The following CDH12 variants were observed in gnomAD, a reference collection of about 807,000 sequenced individuals.
CDH12 encodes cadherin-12.
Under a neutral mutation model 74.1 loss-of-function variants are expected in CDH12, and 41 were observed. The ratio of observed to expected loss-of-function variants is 0.55; its 90% CI spans 0.43 to 0.72. The LOEUF (loss-of-function observed/expected upper bound fraction) is 0.72, where lower values mean the gene tolerates loss of function less well. Ranked by LOEUF, CDH12 falls within the 30% of genes least tolerant of loss-of-function variation. The pLI, the probability that CDH12 is intolerant of heterozygous loss-of-function variation, is 0.00. For synonymous variants in CDH12, 399 were observed against 355.0 expected (o/e 1.12, Z -1.39); for missense variants, 945 against 977.2 (o/e 0.97, Z 0.44).
In CDH12 at chr5:22,238,291, G is replaced by A. The variant is rs144373286; in HGVS notation, c.-332-25648C>T. Among the ~76,000 whole-genome samples the A allele has an allele frequency of 2.2e-3, 329 of 152,324 alleles. 1 individual carries two copies. Among genetic ancestry groups the A allele is most frequent in the Admixed American group, 6.2e-3 (95 of 15,296 alleles). On this transcript the variant is annotated intron_variant, in intron 3 of 14. Transcript: ENST00000382254. Reference sequence around the variant, plus strand: ...TATGGCATTTCCTGGTGGGGCTTGTGTAATACACTGAGTTTTCTTGGAGGA... The same window carrying A: ...TATGGCATTTCCTGGTGGGGCTTGTATAATACACTGAGTTTTCTTGGAGGA...
Position 22,550,371 on chromosome 5 carries a change from T to G in CDH12, c.-522-45007A>C, listed in dbSNP as rs78569728. The stretch of plus-strand genomic sequence containing the variant: ...AAATCTGATTGTCTAACAAGCAGCT[T>G]AAACTTTACATGTTTGACTCAGAAA... On this transcript the variant is annotated intron_variant, in intron 1 of 14. Coordinates refer to ENST00000382254, the MANE Select transcript of CDH12 (RefSeq NM_004061.5). Among the ~76,000 whole-genome samples, 836 of 152,298 alleles carry G rather than the reference T, an allele frequency of 5.5e-3. 7 individuals carry two copies. Among genetic ancestry groups the G allele is most frequent in the African/African-American group, 0.019 (804 of 41,582 alleles).
intron 1 of CDH12, among the ~76,000 whole-genome samples, chr5:22,757,716 T>G (rs1745999734): frequency 6.6e-6 from 1 of 152,202 alleles, no homozygotes; most frequent in Non-Finnish European, 1.5e-5. Flanking sequence ...CTGATAATCC[T>G]TAGTGACCTT....
intron 3 of CDH12, among the ~76,000 whole-genome samples, chr5:22,227,594 G>T (rs1164726256): frequency 2.0e-5 from 3 of 152,096 alleles, no homozygotes; most frequent in Non-Finnish European, 4.4e-5. Flanking sequence ...AAATTATCTT[G>T]CATGAGAAAC....
intron 3 of CDH12, among the ~76,000 whole-genome samples, chr5:22,348,069 G>A (rs1316166720): frequency 6.6e-6 from 1 of 152,162 alleles, no homozygotes; most frequent in Non-Finnish European, 1.5e-5. Flanking sequence ...GGGCAAATCT[G>A]AAAGCTGTTA....
intron 5 of CDH12, among the ~76,000 whole-genome samples, chr5:22,055,633 T>C (rs1335469275): frequency 6.6e-6 from 1 of 152,142 alleles, no homozygotes; most frequent in Non-Finnish European, 1.5e-5. Context: ...ATTATTAACT[T>C]AATAGCTGCT....
At position 22,078,456 on chromosome 5, in the gene CDH12, T is replaced by A. The variant is rs1374852207; in HGVS notation, c.221A>T (p.Tyr74Phe). 6.2e-7 allele frequency: 1 copy of A among 1,613,610 alleles called. No homozygotes were observed. Among genetic ancestry groups the A allele is most frequent in the Non-Finnish European group, 8.5e-7 (1 of 1,179,636 alleles). The change falls in exon 5 of 15, where the codon TAT becomes TTT. Residue 74 changes from tyrosine (Y) to phenylalanine (F), a missense_variant. Around this residue, in one of 3 missense-constraint regions of CDH12, gnomAD observed 148 missense variants for 162.8 expected, o/e 0.91. Coordinates refer to ENST00000382254, the MANE Select transcript of CDH12 (RefSeq NM_004061.5). ...GAAATACGCCATTACCTTTCCCACA[T>A]ACTGAGGCTCGGAGCCCACGTATTC... ...LEEYVGSEPQ[Y>F]VGKLHSDLDK... is the part of the protein sequence containing the mutation.
intron 4 of CDH12, among the ~76,000 whole-genome samples, chr5:22,081,273 C>T (rs989373119): frequency 6.6e-5 from 10 of 152,062 alleles, no homozygotes; most frequent in East Asian, 1.9e-4. Context: ...ATCACGTTTG[C>T]GGTAAAAATA....
In CDH12 at chr5:22,023,433, T is replaced by A. The variant is rs189273984; in HGVS notation, c.232-48048A>T. On this transcript the variant is annotated intron_variant, in intron 5 of 14. Coordinates refer to ENST00000382254, the MANE Select transcript of CDH12 (RefSeq NM_004061.5). The stretch of plus-strand genomic sequence containing the variant: ...AAACATGTTGCTCATTTTTGATATG[T>A]ATCCTGTGATGACAATGTGGTCTCT... Among the ~76,000 whole-genome samples, 240 of 152,302 alleles carry A rather than the reference T, an allele frequency of 1.6e-3. 2 individuals are homozygous for A. The highest frequency in any genetic ancestry group is 3.0e-3 in the Admixed American group (46 of 15,280).
chr5:22,657,184 C>G lies in CDH12; in HGVS notation c.-522-151820G>C, dbSNP rs527781588. 7.9e-5 allele frequency among the ~76,000 whole-genome samples: 12 copies of G among 152,066 alleles called. 1 individual carries two copies. Among genetic ancestry groups the G allele is most frequent in the Admixed American group, 5.2e-4 (8 of 15,254 alleles). On this transcript the variant is annotated intron_variant, in intron 1 of 14. Coordinates refer to ENST00000382254, the MANE Select transcript of CDH12 (RefSeq NM_004061.5). Reference sequence around the variant, plus strand: ...GATGATGTTCTCAGGATTCTATTTACGTGAAATGCACAAACGTGACAAAAA... The same window carrying G: ...GATGATGTTCTCAGGATTCTATTTAGGTGAAATGCACAAACGTGACAAAAA...
intron 1 of CDH12, among the ~76,000 whole-genome samples, chr5:22,766,973 A>G (rs1209718951): frequency 6.6e-6 from 1 of 152,020 alleles, no homozygotes; most frequent in Non-Finnish European, 1.5e-5. Context: ...TTTATACCTT[A>G]TGGCAGGTGG....
At chr5:22,618,329 G>A (rs1013934158) in intron 1 of CDH12, among the ~76,000 whole-genome samples, 1 of 152,052 alleles carries the variant, frequency 6.6e-6, no homozygotes, top group African/African-American at 2.4e-5. Context: ...CCAGATGCCT[G>A]GGCACCAGGG....
chr5:21,924,808 C>A (rs1166709873), intron 6 of CDH12, among the ~76,000 whole-genome samples: 1 of 152,128 alleles, frequency 6.6e-6, no homozygotes, highest in East Asian at 1.9e-4. Context: ...TACAATTATT[C>A]AAATGTGGCC....
chr5:22,345,440 A>T (rs769741215), intron 3 of CDH12, among the ~76,000 whole-genome samples: 11 of 152,184 alleles, frequency 7.2e-5, no homozygotes, highest in Non-Finnish European at 1.0e-4. Flanking sequence ...TCTGAATCAC[A>T]ATTCTAAAAT....
chr5:22,261,007 A>C (rs527512891), intron 3 of CDH12, among the ~76,000 whole-genome samples: 2 of 151,912 alleles, frequency 1.3e-5, no homozygotes, highest in South Asian at 4.2e-4. Context: ...ATATCCTAGA[A>C]GACAATATGT....
chr5:22,097,664 G>T (rs1287681939), intron 4 of CDH12, among the ~76,000 whole-genome samples: 2 of 151,898 alleles, frequency 1.3e-5, no homozygotes, highest in African/African-American at 4.8e-5. Flanking sequence ...ACACCTCACT[G>T]CCACCTTTTC....
chr5:22,461,122 G>C (rs750542452), intron 2 of CDH12, among the ~76,000 whole-genome samples: 2 of 141,378 alleles, frequency 1.4e-5, no homozygotes, highest in African/African-American at 2.7e-5. Context: ...CAACCTCCCG[G>C]GTTCAAGCGA....
intron 2 of CDH12, among the ~76,000 whole-genome samples, chr5:22,453,073 A>G (rs1222836272): frequency 6.6e-6 from 1 of 152,006 alleles, no homozygotes; most frequent in Non-Finnish European, 1.5e-5. Context: ...TTATCAAAAA[A>G]AGAAAAAATA....
intron 2 of CDH12, among the ~76,000 whole-genome samples, chr5:22,430,055 T>C (rs1744103251): frequency 6.6e-6 from 1 of 152,174 alleles, no homozygotes. Flanking sequence ...AAGACTATTT[T>C]TCCATTTTCC....
intron 4 of CDH12, chr5:22,142,872 G>C (rs1170007052): frequency 4.1e-6 from 1 of 241,182 alleles, no homozygotes; most frequent in Non-Finnish European, 9.2e-6. Flanking sequence ...TGTATGCTGG[G>C]AAGAGTCTAC....
Sources: gnomAD v4.1 joint callset for allele counts (sites outside exome capture counted in the v4.1 genomes callset) on GRCh38, gnomAD v4.1.1 for gene constraint, gnomAD v4.1.1 regional missense constraint, MANE v1.5 for transcripts, NCBI Gene and HGNC (gene_info 2026-07-23, HGNC 2026-07-21) for gene names.